WDR43: variants seen among roughly 807,000 people sequenced by gnomAD.
The protein encoded by WDR43 is WD repeat domain 43.
Under a neutral mutation model 91.4 loss-of-function variants are expected in WDR43, and 13 were observed. The observed-to-expected ratio is 0.14, with a 90% CI of 0.09 to 0.23. The LOEUF is 0.23. WDR43 is among the 10% of genes least tolerant of loss of function. WDR43 has a pLI of 1.00. For synonymous variants in WDR43, 331 were observed against 287.9 expected (o/e 1.15, Z -1.51); for missense variants, 780 against 809.4 (o/e 0.96, Z 0.44).
At chr2:28,896,907 T>C (rs67873458) in intron 1 of WDR43, among the ~76,000 whole-genome samples, 40,440 of 152,062 alleles carry the variant, frequency 0.27, 6,554 homozygotes, top group East Asian at 0.77. Context: ...CATCGTTTTA[T>C]CTGCACTGTC....
intron 2 of WDR43, among the ~76,000 whole-genome samples, chr2:28,905,663 C>CTTTTTTTT (rs1434158898): frequency 7.7e-6 from 1 of 129,192 alleles, no homozygotes; most frequent in Non-Finnish European, 1.6e-5. Flanking sequence ...CTCTCTTCTT[C>CTTTTTTTT]TCTTTTTTTT....
Position 28,926,448 on chromosome 2 carries a change from TA to T in WDR43, c.1087-12del, listed in dbSNP as rs571418515. On this transcript the variant is annotated intron_variant, in intron 8 of 17. Transcript: ENST00000407426. ...TTTTCTTTCCTCTCATCTTCCCCTTTAAAAAAAATATATTTTCAGGCTTTAA... is the reference window on the plus strand; with the variant it reads ...TTTTCTTTCCTCTCATCTTCCCCTTTAAAAAAATATATTTTCAGGCTTTAA... 282 of 1,493,668 alleles carry T rather than the reference TA, an allele frequency of 1.9e-4. 1 individual carries two copies. Among genetic ancestry groups the T allele is most frequent in the African/African-American group, 7.0e-4 (50 of 71,502 alleles). The allele number at this position is 1,493,668 out of a possible 1,614,324, so 92.5% of individuals were successfully genotyped here.
intron 13 of WDR43, among the ~76,000 whole-genome samples, chr2:28,937,232 G>T (rs978331525): frequency 1.7e-4 from 26 of 152,054 alleles, no homozygotes; most frequent in African/African-American, 4.8e-4. Context: ...GCTGCTTATA[G>T]TACCTGCCGA....
intron 5 of WDR43, 140 bp downstream of exon 5, chr2:28,914,348 C>G (rs1010407288): frequency 2.9e-5 from 33 of 1,120,840 alleles, no homozygotes; most frequent in South Asian, 4.4e-5. Flanking sequence ...AAAAATTGAG[C>G]CTGCCTACAA....
intron 11 of WDR43, among the ~76,000 whole-genome samples, 155 bp from the exon 12 acceptor site, chr2:28,935,366 G>A (rs886765350): frequency 1.3e-5 from 2 of 151,980 alleles, no homozygotes; most frequent in African/African-American, 4.8e-5. Context: ...ACTCCATTCA[G>A]TCCCTCCAAC....
chr2:28,937,590 A>G (rs1462738839), intron 13 of WDR43, among the ~76,000 whole-genome samples: 1 of 152,180 alleles, frequency 6.6e-6, no homozygotes, highest in African/African-American at 2.4e-5. Flanking sequence ...TTAACATAAA[A>G]TGCAAAACCA....
rs1256166993 is a variant in WDR43, at chr2:28,947,405, T to C, written c.*626T>C. On this transcript the variant is annotated 3_prime_UTR_variant, in exon 18 of 18. Coordinates refer to ENST00000407426, the MANE Select transcript of WDR43 (RefSeq NM_015131.3). ...GAATAACCACTTATTTTTGAAGCTATCATGTGAAGTATTTTTTTAAAACAA... is the reference window on the plus strand; with the variant it reads ...GAATAACCACTTATTTTTGAAGCTACCATGTGAAGTATTTTTTTAAAACAA... 6.6e-6 allele frequency: 1 copy of C among 152,190 alleles called. No homozygotes were observed. The highest frequency in any genetic ancestry group is 2.4e-5 in the African/African-American group (1 of 41,454). 9.4% of individuals were successfully genotyped at this position (152,190 alleles called of 1,614,324 possible).
intron 10 of WDR43, among the ~76,000 whole-genome samples, chr2:28,928,628 G>C (rs972482687): frequency 2.6e-5 from 4 of 152,142 alleles, no homozygotes; most frequent in South Asian, 2.1e-4. Flanking sequence ...TGTTAGACTT[G>C]ATTTAATCAG....
rs373942316 is a variant in WDR43, at chr2:28,894,792, G to T, written c.94G>T (p.Ala32Ser). The T allele has an allele frequency of 5.0e-6, 8 of 1,609,684 alleles. No individual in the cohort carries two copies. The highest frequency in any genetic ancestry group is 6.8e-6 in the Non-Finnish European group (8 of 1,178,206). The change falls in exon 1 of 18, where the codon GCC (alanine) becomes TCC (serine). Residue 32 changes from alanine to serine, a missense_variant. Physicochemically the swap from Ala to Ser is moderately conservative, Grantham distance 99. Transcript: ENST00000407426. Reference sequence around the variant, plus strand: ...GCACAGCCAGGCCTACTTCGCTTTGGCCTCTACCGACGGTCACTTACGAGT... The same window carrying T: ...GCACAGCCAGGCCTACTTCGCTTTGTCCTCTACCGACGGTCACTTACGAGT... ...SPHSQAYFAL[A>S]STDGHLRVWE...
chr2:28,908,294 C>T (rs927304887), intron 3 of WDR43, among the ~76,000 whole-genome samples: 2 of 152,148 alleles, frequency 1.3e-5, no homozygotes, highest in South Asian at 4.1e-4. Flanking sequence ...ACCCAGCAGA[C>T]AGGGTGGTGC....
At chr2:28,943,223 A>G (rs1388158587) in intron 16 of WDR43, among the ~76,000 whole-genome samples, 1 of 151,782 alleles carries the variant, frequency 6.6e-6, no homozygotes, top group Non-Finnish European at 1.5e-5. Flanking sequence ...CTGCAGCCTC[A>G]AACTCTTACA....
At chr2:28,935,019 T>A (rs1475560934) in intron 11 of WDR43, among the ~76,000 whole-genome samples, 1 of 152,144 alleles carries the variant, frequency 6.6e-6, no homozygotes, top group Non-Finnish European at 1.5e-5. Context: ...GGAGACTGGG[T>A]CTCCACCATA....
intron 1 of WDR43, among the ~76,000 whole-genome samples, chr2:28,900,226 C>T (rs140927667): frequency 4.6e-5 from 7 of 152,206 alleles, no homozygotes; most frequent in African/African-American, 1.7e-4. Context: ...GAGTCTCTGT[C>T]GCCCAGGCTG....
At chr2:28,935,747 C>CA (rs58846266) in intron 12 of WDR43, 140 bp downstream of exon 12, 698 of 243,534 alleles carry the variant, frequency 2.9e-3, no homozygotes, top group South Asian at 9.2e-3. Flanking sequence ...GTACTTTAGA[C>CA]AAAAAAAAAA....
At chr2:28,896,260 A>G (rs1670479493) in intron 1 of WDR43, among the ~76,000 whole-genome samples, 1 of 152,154 alleles carries the variant, frequency 6.6e-6, no homozygotes, top group South Asian at 2.1e-4. Flanking sequence ...CAAGCTGGCT[A>G]TATTGTCTAT....
At chr2:28,894,951 G>C (rs1332719873) in intron 1 of WDR43, 28 bp downstream of exon 1, 2 of 1,502,612 alleles carry the variant, frequency 1.3e-6, no homozygotes, top group African/African-American at 2.9e-5. Flanking sequence ...GCGCGGGGCG[G>C]GCGCCTTCCC....
chr2:28,936,592 A>G (rs963441674), intron 12 of WDR43, among the ~76,000 whole-genome samples: 5 of 152,170 alleles, frequency 3.3e-5, no homozygotes, highest in African/African-American at 1.2e-4. Context: ...TATGTTTGCA[A>G]GTTGTGCAGT....
At chr2:28,932,018 G>A (rs1374079164) in intron 11 of WDR43, among the ~76,000 whole-genome samples, 4 of 151,960 alleles carry the variant, frequency 2.6e-5, no homozygotes, top group African/African-American at 9.7e-5. Context: ...TGGGACTGCA[G>A]GCACGCATCA....
intron 6 of WDR43, among the ~76,000 whole-genome samples, chr2:28,918,516 G>A (rs1011245737): frequency 6.6e-6 from 1 of 151,862 alleles, no homozygotes; most frequent in Non-Finnish European, 1.5e-5. Flanking sequence ...TTACAGGCAT[G>A]TGCCACCATG....
Sources: allele counts gnomAD v4.1 joint callset (sites outside exome capture counted in the v4.1 genomes callset), GRCh38; gene constraint gnomAD v4.1.1; transcripts MANE v1.5; gene names NCBI Gene and HGNC (gene_info 2026-07-23, HGNC 2026-07-21).